Variants in PABIR2 observed in about 807,000 individuals in gnomAD.
PABIR2 encodes the protein family with sequence similarity 122B.
In PABIR2, 7 loss-of-function variants were observed where a neutral mutation model predicts 22.8. That is an observed-to-expected ratio of 0.31 (90% CI 0.17 to 0.58). The LOEUF (loss-of-function observed/expected upper bound fraction) is 0.58. PABIR2 is among the 20% of genes least tolerant of loss of function. The pLI, the probability that PABIR2 is intolerant of heterozygous loss-of-function variation, is 0.89. For missense variants in PABIR2, 155 were observed against 205.1 expected, an observed-to-expected ratio of 0.76 and a Z score of 1.49; for synonymous variants, 67 against 73.8, an observed-to-expected ratio of 0.91 and a Z score of 0.47.
At chrX:134,792,171 T>C (rs537303103) in intron 2 of PABIR2, among the ~76,000 whole-genome samples, 3 of 112,085 alleles carry the variant, frequency 2.7e-5, no homozygotes, top group South Asian at 7.4e-4. Flanking sequence ...AAAGGAGATA[T>C]AAGGATTAAA....
chrX:134,790,048 G>A (rs1037148311), intron 2 of PABIR2, among the ~76,000 whole-genome samples: 1 of 111,998 alleles, frequency 8.9e-6, no homozygotes, highest in African/African-American at 3.2e-5. Context: ...AGGCTAATAA[G>A]TCTAGTATAT....
rs1381218595 is a variant in PABIR2 at position 134,789,587 on chromosome X, A to G, written c.227T>C (p.Ile76Thr). 8.7e-7 allele frequency: 1 copy of G among 1,153,420 alleles called. No homozygotes were observed. The highest frequency in any genetic ancestry group is 1.8e-5 in the African/African-American group (1 of 55,816). ...CTAGTAAGTAAAATTTACCCTTTTG[A>G]TCTGATGCAGTCTGCTACTAGGAAT... ...NRIPSSRLHQ[I>T]KREEGLDMVN... Residue 76 changes from isoleucine (I) to threonine (T), a missense_variant, in exon 3 of 10, where the codon ATC becomes ACC. Physicochemically the swap from Ile to Thr is moderately conservative, Grantham distance 89. Coordinates refer to ENST00000343004, the MANE Select transcript of PABIR2 (RefSeq NM_001387468.1).
Position 134,787,493 on chromosome X carries a change from G to C in PABIR2, c.476C>G (p.Pro159Arg), listed in dbSNP as rs761469633. The change falls in exon 7 of 10, where the codon CCC (proline) becomes CGC (arginine). Residue 159 changes from proline to arginine, a missense_variant. Physicochemically the swap from Pro to Arg is moderately radical, Grantham distance 103. Coordinates refer to ENST00000343004, the MANE Select transcript of PABIR2 (RefSeq NM_001387468.1). ...TTACCTTGAAAATCGTCTTGGACTG[G>C]GAACTGGACTTGGTGGCAATCCACT... ...SSSGLPPSPV[P>R]SPRRFSSRRS... 5 of 1,210,497 alleles carry C rather than the reference G, an allele frequency of 4.1e-6. No individual in the cohort carries two copies. The South Asian group carries it at 8.8e-5, about 21-fold the overall frequency.
chrX:134,778,331 G>C (rs1315696268), intron 9 of PABIR2, among the ~76,000 whole-genome samples: 1 of 104,179 alleles, frequency 9.6e-6, no homozygotes, highest in Non-Finnish European at 2.0e-5. Context: ...GAGAAACCCT[G>C]TCTCTACTAA....
chrX:134,778,397 G>A (rs1255378725), intron 9 of PABIR2, among the ~76,000 whole-genome samples: 3 of 103,345 alleles, frequency 2.9e-5, no homozygotes, highest in Non-Finnish European at 3.9e-5. Context: ...CCAGCTACTC[G>A]AGAGGCTGAG....
At chrX:134,794,085 A>T in intron 1 of PABIR2, 192 bp from the exon 2 acceptor site, 1 of 713,155 alleles carries the variant, frequency 1.4e-6, no homozygotes, top group Non-Finnish European at 1.7e-6. Context: ...GCTGTGGATT[A>T]TGGGTTTGCA....
intron 2 of PABIR2, among the ~76,000 whole-genome samples, chrX:134,791,008 A>C (rs1464363188): frequency 3.6e-5 from 4 of 112,321 alleles, no homozygotes. Flanking sequence ...AAACTGAAGA[A>C]GCAGTGAAAT....
intron 3 of PABIR2, 21 bp downstream of exon 3, chrX:134,789,559 G>A: frequency 8.7e-7 from 1 of 1,143,405 alleles, no homozygotes; most frequent in Non-Finnish European, 1.2e-6. Context: ...TTTCCAATCT[G>A]AGCTAGTAAG....
chrX:134,785,338 C>G (rs1481668330), intron 8 of PABIR2, among the ~76,000 whole-genome samples: 2 of 111,187 alleles, frequency 1.8e-5, no homozygotes, highest in African/African-American at 6.5e-5. Context: ...TTTTCTTTTT[C>G]CCCCCAGCTT....
chrX:134,789,146 TA>T lies in PABIR2; in HGVS notation c.279-8del. On this transcript the variant is annotated splice_region_variant and splice_polypyrimidine_tract_variant and intron_variant, in intron 4 of 9. Transcript: ENST00000343004. ...CATTGCCGTTTGCATTTCCCTAAAATAAACAAAGGGAAGGGCCGTCAGTGTT... is the reference window on the plus strand; with the variant it reads ...CATTGCCGTTTGCATTTCCCTAAAATAACAAAGGGAAGGGCCGTCAGTGTT... The T allele has an allele frequency of 8.3e-7, 1 of 1,211,895 alleles. No homozygotes were observed. The highest frequency in any genetic ancestry group is 1.1e-6 in the Non-Finnish European group (1 of 895,533).
intron 9 of PABIR2, among the ~76,000 whole-genome samples, chrX:134,777,394 T>C (rs999224955): frequency 9.1e-6 from 1 of 110,187 alleles, no homozygotes; most frequent in Non-Finnish European, 1.9e-5. Context: ...GGCGTGATGG[T>C]GCACACCTGT....
intron 6 of PABIR2, 25 bp downstream of exon 6, chrX:134,788,705 C>A (rs770985244): frequency 8.6e-7 from 1 of 1,166,109 alleles, no homozygotes; most frequent in East Asian, 3.0e-5. Flanking sequence ...GTGAAATACA[C>A]TTAATATCTT....
intron 8 of PABIR2, among the ~76,000 whole-genome samples, chrX:134,784,201 G>A (rs1317481041): frequency 9.0e-6 from 1 of 110,916 alleles, no homozygotes; most frequent in African/African-American, 3.3e-5. Flanking sequence ...TGGGCGTGGT[G>A]GCTCATACCT....
At chrX:134,777,665 C>CAT (rs1356069693) in intron 9 of PABIR2, among the ~76,000 whole-genome samples, 1 of 109,969 alleles carries the variant, frequency 9.1e-6, no homozygotes, top group Non-Finnish European at 1.9e-5. Context: ...GAAGAAACCC[C>CAT]ATCTCTACTA....
chrX:134,775,462 T>A, intron 9 of PABIR2, among the ~76,000 whole-genome samples: 1 of 93,987 alleles, frequency 1.1e-5, no homozygotes, highest in Middle Eastern at 6.0e-3. Flanking sequence ...GAGCTTGCAG[T>A]GAGCTGAGAT....
intron 1 of PABIR2, among the ~76,000 whole-genome samples, chrX:134,794,374 T>C (rs2079640904): frequency 8.9e-6 from 1 of 112,134 alleles, no homozygotes; most frequent in African/African-American, 3.2e-5. Flanking sequence ...TGAACACTGC[T>C]GTTTGATGGA....
intron 9 of PABIR2, among the ~76,000 whole-genome samples, chrX:134,777,374 A>G (rs1347874455): frequency 9.0e-6 from 1 of 110,950 alleles, no homozygotes; most frequent in African/African-American, 3.3e-5. Flanking sequence ...AAAAACAGAA[A>G]AATCAGCTGG....
chrX:134,782,959 CA>C (rs1189275395), intron 8 of PABIR2, among the ~76,000 whole-genome samples: 1 of 112,028 alleles, frequency 8.9e-6, no homozygotes. Flanking sequence ...GCCTCACTAG[CA>C]AAAGACTTTA....
chrX:134,791,281 G>T (rs1260722043), intron 2 of PABIR2, among the ~76,000 whole-genome samples: 1 of 111,068 alleles, frequency 9.0e-6, no homozygotes, highest in Non-Finnish European at 1.9e-5. Flanking sequence ...GGTCAAGGGG[G>T]ATAAGCAACG....
Sources: allele counts gnomAD v4.1 joint callset (sites outside exome capture counted in the v4.1 genomes callset), GRCh38; gene constraint gnomAD v4.1.1; transcripts MANE v1.5; gene names NCBI Gene and HGNC (gene_info 2026-07-23, HGNC 2026-07-21).